Variants in BANP observed in about 807,000 individuals in gnomAD.
BANP encodes protein BANP.
In BANP, 11 loss-of-function variants were observed where a neutral mutation model predicts 68.1. The ratio of observed to expected loss-of-function variants is 0.16; its 90% confidence interval spans 0.10 to 0.27. BANP has a LOEUF of 0.27. BANP is among the 10% of genes least tolerant of loss of function. The pLI, the probability that BANP is intolerant of heterozygous loss-of-function variation, is 1.00. For synonymous variants in BANP, 329 were observed against 303.2 expected (o/e 1.09, Z -0.88); for missense variants, 504 against 722.7 (o/e 0.70, Z 3.47).
At chr16:88,070,220 G>A (rs1007416063) in intron 12 of BANP, among the ~76,000 whole-genome samples, 16 of 152,122 alleles carry the variant, frequency 1.1e-4, no homozygotes. Context: ...AAGTTTTGGG[G>A]AGTCAGAGGC....
intron 4 of BANP, among the ~76,000 whole-genome samples, chr16:87,990,369 A>G (rs2065604173): frequency 6.6e-6 from 1 of 152,194 alleles, no homozygotes; most frequent in South Asian, 2.1e-4. Context: ...AGACTCAATG[A>G]AGGAGAAATT....
intron 12 of BANP, among the ~76,000 whole-genome samples, chr16:88,068,177 G>A (rs2089291925): frequency 6.6e-6 from 1 of 152,218 alleles, no homozygotes; most frequent in South Asian, 2.1e-4. Context: ...GCAGAGCTCC[G>A]GCTGTGTGGC....
chr16:87,962,199 C>T (rs1462770493), intron 1 of BANP, among the ~76,000 whole-genome samples: 1 of 139,654 alleles, frequency 7.2e-6, no homozygotes, highest in African/African-American at 2.7e-5. Flanking sequence ...GAGATCATGC[C>T]ACTGCACTCC....
chr16:88,005,607 C>T (rs746815803), intron 5 of BANP, among the ~76,000 whole-genome samples: 15 of 152,136 alleles, frequency 9.9e-5, no homozygotes, highest in Non-Finnish European at 1.9e-4. Context: ...TTTTTTAAGC[C>T]CCGTCAGGGT....
At position 88,065,257 on chromosome 16, in the gene BANP, C is replaced by T; in HGVS notation, c.1312-10C>T. ...CTCCAGGGGAAAATTCGTTTTCTTG[C>T]CTTTTCCAGCTTCTAGAGGCCACCC... On this transcript the variant is annotated splice_polypyrimidine_tract_variant and intron_variant, in intron 11 of 13. Transcript: ENST00000682872. 1 of 748,556 alleles carries T rather than the reference C, an allele frequency of 1.3e-6. No individual in the cohort carries two copies. 46.4% of individuals were successfully genotyped at this position (748,556 alleles called of 1,614,324 possible).
intron 12 of BANP, among the ~76,000 whole-genome samples, chr16:88,067,155 C>T (rs1263949151): frequency 6.6e-6 from 1 of 152,154 alleles, no homozygotes; most frequent in Non-Finnish European, 1.5e-5. Flanking sequence ...GACCTTTGAC[C>T]CTTTGCAGCT....
chr16:87,984,468 C>G (rs931053860), intron 4 of BANP, among the ~76,000 whole-genome samples: 39 of 152,354 alleles, frequency 2.6e-4, no homozygotes, highest in Admixed American at 1.9e-3. Context: ...AAGTCATCCT[C>G]ACGTTTCCTT....
intron 11 of BANP, among the ~76,000 whole-genome samples, chr16:88,043,967 G>A: frequency 6.6e-6 from 1 of 152,360 alleles, no homozygotes; most frequent in African/African-American, 2.4e-5. Context: ...CATTTTAAAT[G>A]AAAATTGATG....
At chr16:88,067,027 C>T (rs1389100098) in intron 12 of BANP, among the ~76,000 whole-genome samples, 3 of 152,196 alleles carry the variant, frequency 2.0e-5, no homozygotes, top group South Asian at 2.1e-4. Flanking sequence ...GTTTTGAACT[C>T]GCCTAGAAAC....
chr16:87,968,455 G>A (rs375331673), intron 1 of BANP, among the ~76,000 whole-genome samples: 1 of 148,324 alleles, frequency 6.7e-6, no homozygotes, highest in Non-Finnish European at 1.5e-5. Flanking sequence ...TTGCACTCCA[G>A]CCTGGGCAAC....
At chr16:87,955,850 A>G (rs1293282411) in intron 1 of BANP, among the ~76,000 whole-genome samples, 2 of 152,208 alleles carry the variant, frequency 1.3e-5, no homozygotes, top group Non-Finnish European at 2.9e-5. Context: ...TCTCATCATG[A>G]GAAAATGCTG....
rs1030427428 is a variant in BANP at position 88,057,259 on chromosome 16, G to A, written c.1312-8008G>A. Among the ~76,000 whole-genome samples, 4 of 152,226 alleles carry A rather than the reference G, an allele frequency of 2.6e-5. No homozygotes were observed. The highest frequency in any genetic ancestry group is 7.2e-5 in the African/African-American group (3 of 41,452). On this transcript the variant is annotated intron_variant, in intron 11 of 13. Coordinates refer to ENST00000682872, the MANE Select transcript of BANP (RefSeq NM_001386991.1). The surrounding 1 kb of genome is among the most constrained non-coding windows in gnomAD (Gnocchi z 4.6). Reference sequence around the variant, plus strand: ...GCCAGCCGCCAAGAGCTCACCCAGCGCGCCTGTTGCTTTGGGTGCCTCTGT... The same window carrying A: ...GCCAGCCGCCAAGAGCTCACCCAGCACGCCTGTTGCTTTGGGTGCCTCTGT...
chr16:88,010,605 C>T (rs961809973), intron 6 of BANP, among the ~76,000 whole-genome samples: 4 of 152,240 alleles, frequency 2.6e-5, no homozygotes, highest in African/African-American at 7.2e-5. Flanking sequence ...GAAATAAGAA[C>T]ATGTAGCCAC....
At chr16:88,065,398 A>C (rs1599056663) in intron 12 of BANP, 66 bp downstream of exon 12, 1 of 682,674 alleles carries the variant, frequency 1.5e-6, no homozygotes, top group Non-Finnish European at 2.7e-6. Context: ...GCTTTTAAAG[A>C]CCCCCGCGAT....
intron 4 of BANP, among the ~76,000 whole-genome samples, chr16:87,985,079 A>G (rs539449140): frequency 9.0e-4 from 137 of 152,292 alleles, no homozygotes; most frequent in Non-Finnish European, 1.4e-3. Flanking sequence ...GGGAGCCGCA[A>G]CAAGCCTGGA....
intron 1 of BANP, among the ~76,000 whole-genome samples, chr16:87,962,221 C>T (rs1013356257): frequency 2.5e-5 from 3 of 118,066 alleles, no homozygotes; most frequent in Non-Finnish European, 3.3e-5. Flanking sequence ...GTCTGGGCTA[C>T]AGAGCGAGAC....
chr16:88,061,332 T>G (rs541062130), intron 11 of BANP, among the ~76,000 whole-genome samples: 2 of 152,344 alleles, frequency 1.3e-5, no homozygotes, highest in East Asian at 3.9e-4. Flanking sequence ...GACGATTGTC[T>G]AAAACGTTGG....
At chr16:88,048,402 A>G (rs910769024) in intron 11 of BANP, among the ~76,000 whole-genome samples, 8 of 152,188 alleles carry the variant, frequency 5.3e-5, no homozygotes, top group Admixed American at 3.3e-4. Flanking sequence ...GGCCAGAAGA[A>G]AGGACGTCCA....
At chr16:88,050,635 C>G (rs1309169827) in intron 11 of BANP, among the ~76,000 whole-genome samples, 3 of 152,158 alleles carry the variant, frequency 2.0e-5, no homozygotes, top group Non-Finnish European at 2.9e-5. Flanking sequence ...AGCATCTGCA[C>G]TCAGAAACCC....
Sources: gnomAD v4.1 joint callset for allele counts (sites outside exome capture counted in the v4.1 genomes callset) on GRCh38, gnomAD v4.1.1 for gene constraint, Gnocchi (gnomAD v3.1) non-coding constraint, MANE v1.5 for transcripts, NCBI Gene and HGNC (gene_info 2026-07-23, HGNC 2026-07-21) for gene names.